Variants in ADAP2 observed in about 807,000 individuals in gnomAD.
ADAP2 encodes ArfGAP with dual PH domains 2, also known as arf-GAP with dual PH domain-containing protein 2.
ADAP2 carries 42 observed loss-of-function variants against 54.9 expected under a neutral mutation model. The ratio of observed to expected loss-of-function variants is 0.77; its 90% confidence interval spans 0.60 to 0.99. ADAP2 has a LOEUF of 0.99. ADAP2 is among the 50% of genes least tolerant of loss of function. The pLI, the probability that ADAP2 is intolerant of heterozygous loss-of-function variation, is 0.00. For synonymous variants in ADAP2, 177 were observed against 180.1 expected (o/e 0.98, Z 0.14); for missense variants, 429 against 480.4 (o/e 0.89, Z 1.00).
At chr17:30,946,483 T>A (rs1338646149) in intron 6 of ADAP2, among the ~76,000 whole-genome samples, 1 of 152,050 alleles carries the variant, frequency 6.6e-6, no homozygotes, top group African/African-American at 2.4e-5. Flanking sequence ...CCTCCCAAAG[T>A]GCTGGGATTA....
intron 1 of ADAP2, among the ~76,000 whole-genome samples, chr17:30,922,412 C>G (rs1910691873): frequency 1.3e-5 from 2 of 152,238 alleles, no homozygotes; most frequent in African/African-American, 4.8e-5. Context: ...CTTCCAGTCC[C>G]GCTCTCTTCC....
chr17:30,941,957 G>A (rs1912300169), intron 5 of ADAP2, among the ~76,000 whole-genome samples: 1 of 151,810 alleles, frequency 6.6e-6, no homozygotes. Flanking sequence ...CCAGGCTGGA[G>A]TGCAGTGGTG....
intron 9 of ADAP2, among the ~76,000 whole-genome samples, chr17:30,955,250 C>T (rs1297910214): frequency 1.3e-5 from 2 of 151,404 alleles, no homozygotes; most frequent in Non-Finnish European, 2.9e-5. Flanking sequence ...GCTCAGAATA[C>T]AGGCATGCAT....
rs1393398666 is a variant in ADAP2, at chr17:30,957,870, C to T, written c.*1C>T. ...AGAGAGTGGCCGCAGCAGCAGGTGA[C>T]CCATTAACTGAGGAACTGGCTGCCA... On this transcript the variant is annotated 3_prime_UTR_variant, in exon 11 of 11. Transcript: ENST00000330889. 10 of 1,612,894 alleles carry T rather than the reference C, an allele frequency of 6.2e-6. No homozygotes were observed. The highest frequency in any genetic ancestry group is 8.5e-6 in the Non-Finnish European group (10 of 1,179,512).
intron 9 of ADAP2, 107 bp from the exon 10 acceptor site, chr17:30,956,134 A>G (rs1905048527): frequency 1.1e-6 from 1 of 882,348 alleles, no homozygotes; most frequent in Non-Finnish European, 1.8e-6. Flanking sequence ...AAATCCCAGC[A>G]GGGACCTCAT....
At chr17:30,922,383 G>A (rs1280154243) in intron 1 of ADAP2, among the ~76,000 whole-genome samples, 1 of 152,152 alleles carries the variant, frequency 6.6e-6, no homozygotes, top group African/African-American at 2.4e-5. Context: ...CCGGACACGA[G>A]AGCCGGCAGC....
chr17:30,953,362 C>T lies in ADAP2; in HGVS notation c.804+12C>T. On this transcript the variant is annotated intron_variant, in intron 8 of 10. Coordinates refer to ENST00000330889, the MANE Select transcript of ADAP2 (RefSeq NM_018404.3). The stretch of plus-strand genomic sequence containing the variant: ...AGACTGGGCCAAAGGTACCTTCTAT[C>T]ACTCCCTGGGGAACTTAATATGGTT... 1 of 1,612,904 alleles carries T rather than the reference C, an allele frequency of 6.2e-7. No homozygotes were observed. Among genetic ancestry groups the T allele is most frequent in the Non-Finnish European group, 8.5e-7 (1 of 1,179,076 alleles).
chr17:30,927,032 G>A (rs759264710), intron 3 of ADAP2, 114 bp downstream of exon 3: 52 of 782,596 alleles, frequency 6.6e-5, no homozygotes, highest in South Asian at 1.6e-4. Context: ...GGCCTGGTGC[G>A]CAGGTGGATC....
At chr17:30,946,828 C>T (rs1912714048) in intron 6 of ADAP2, among the ~76,000 whole-genome samples, 1 of 152,178 alleles carries the variant, frequency 6.6e-6, no homozygotes, top group South Asian at 2.1e-4. Flanking sequence ...TGCCATGTGC[C>T]TCTGCTGTAG....
At chr17:30,933,071 C>G (rs928543428) in intron 4 of ADAP2, among the ~76,000 whole-genome samples, 1 of 152,142 alleles carries the variant, frequency 6.6e-6, no homozygotes, top group African/African-American at 2.4e-5. Flanking sequence ...TTCACCCCCA[C>G]GGTCCTGAGT....
intron 3 of ADAP2, among the ~76,000 whole-genome samples, chr17:30,929,323 C>G (rs1911306817): frequency 6.6e-6 from 1 of 152,218 alleles, no homozygotes; most frequent in South Asian, 2.1e-4. Context: ...ACTGTGTCTG[C>G]TTCAGAATGC....
chr17:30,952,800 G>A (rs892189335), intron 7 of ADAP2, among the ~76,000 whole-genome samples: 6 of 152,108 alleles, frequency 3.9e-5, no homozygotes, highest in Admixed American at 3.3e-4. Context: ...GTACAGTCTA[G>A]TGTCATTGGC....
intron 8 of ADAP2, 137 bp downstream of exon 8, chr17:30,953,487 A>T (rs553683386): frequency 1.2e-6 from 1 of 814,222 alleles, no homozygotes; most frequent in Non-Finnish European, 2.0e-6. Context: ...CATGGGCCAC[A>T]TGCAACCCAG....
intron 8 of ADAP2, 117 bp downstream of exon 8, chr17:30,953,467 AC>A: frequency 9.4e-7 from 1 of 1,065,928 alleles, no homozygotes. Flanking sequence ...AGCTTGTCCA[AC>A]CCACAGCCCA....
At chr17:30,956,752 G>T in intron 10 of ADAP2, 1 of 456,644 alleles carries the variant, frequency 2.2e-6, no homozygotes, top group Non-Finnish European at 4.0e-6. Context: ...CCCTTGCGGT[G>T]TGGGGGCTAA....
chr17:30,939,731 A>G (rs1462251581), intron 5 of ADAP2, among the ~76,000 whole-genome samples: 1 of 150,894 alleles, frequency 6.6e-6, no homozygotes, highest in Non-Finnish European at 1.5e-5. Context: ...AGATGGCGCC[A>G]CTGCACTCCA....
intron 5 of ADAP2, among the ~76,000 whole-genome samples, chr17:30,943,280 G>A (rs560526579): frequency 3.3e-5 from 5 of 151,592 alleles, no homozygotes; most frequent in Admixed American, 2.0e-4. Context: ...CAGAAGAATC[G>A]CTTGAACCCA....
chr17:30,929,462 G>A (rs752523441), intron 3 of ADAP2, among the ~76,000 whole-genome samples: 2 of 152,098 alleles, frequency 1.3e-5, no homozygotes, highest in African/African-American at 4.8e-5. Context: ...GCTTCCTGCC[G>A]GCACTAAACA....
At chr17:30,929,753 G>C (rs1911337798) in intron 3 of ADAP2, among the ~76,000 whole-genome samples, 1 of 152,220 alleles carries the variant, frequency 6.6e-6, no homozygotes, top group Non-Finnish European at 1.5e-5. Flanking sequence ...CTAGAGTTCA[G>C]TGGCACAATC....
Sources: allele counts gnomAD v4.1 joint callset (sites outside exome capture counted in the v4.1 genomes callset), GRCh38; gene constraint gnomAD v4.1.1; transcripts MANE v1.5; gene names NCBI Gene and HGNC (gene_info 2026-07-23, HGNC 2026-07-21).